Variants in RNF17 observed in about 807,000 individuals in gnomAD.
RNF17 encodes ring finger protein 17.
A neutral mutation model predicts 200.5 loss-of-function variants in RNF17; 31 were observed. The ratio of observed to expected loss-of-function variants is 0.15; its 90% confidence interval spans 0.12 to 0.21. The LOEUF (loss-of-function observed/expected upper bound fraction) is 0.21. RNF17 is among the 10% of genes least tolerant of loss of function. RNF17 has a pLI of 1.00. For synonymous variants in RNF17, 606 were observed against 637.8 expected (o/e 0.95, Z 0.75); for missense variants, 1,628 against 1,905.1 (o/e 0.85, Z 2.71).
In RNF17 at chr13:24,824,076, A is replaced by G. The variant is rs189888124; in HGVS notation, c.2092-1543A>G. On this transcript the variant is annotated intron_variant, in intron 15 of 35. Transcript: ENST00000255324. ...ACTGCTTAAGACCAAGACCATTGTC[A>G]TTCTGGGAAGAGGGTAGGGTGAGGC... The G allele has an allele frequency of 1.4e-5, 9 of 653,942 alleles. No homozygotes were observed. The East Asian group carries it at 2.2e-4, about 16-fold the overall frequency. The allele number at this position is 653,942 out of a possible 1,614,324, so 40.5% of individuals were successfully genotyped here. A position where few individuals can be genotyped will look rare whatever the true frequency, so the allele number is the denominator to read the frequency against.
intron 25 of RNF17, among the ~76,000 whole-genome samples, chr13:24,856,002 T>G (rs1892440310): frequency 6.6e-6 from 1 of 152,228 alleles, no homozygotes; most frequent in African/African-American, 2.4e-5. Context: ...TTTTATGTGT[T>G]CCAGGTATCT....
At chr13:24,772,925 C>T (rs1451175808) in intron 2 of RNF17, among the ~76,000 whole-genome samples, 2 of 152,094 alleles carry the variant, frequency 1.3e-5, no homozygotes, top group African/African-American at 2.4e-5. Flanking sequence ...ACAGACACTT[C>T]TTAAAAGACA....
intron 11 of RNF17, among the ~76,000 whole-genome samples, chr13:24,798,511 T>A (rs140974162): frequency 4.8e-4 from 73 of 152,298 alleles, no homozygotes; most frequent in African/African-American, 1.7e-3. Flanking sequence ...TCTCTGTATA[T>A]AATCAGTGAT....
intron 15 of RNF17, among the ~76,000 whole-genome samples, chr13:24,815,426 G>A (rs1887256958): frequency 7.9e-6 from 1 of 126,184 alleles, no homozygotes; most frequent in South Asian, 2.6e-4. Context: ...TAGCCCTAAC[G>A]GGGTGTGTGT....
intron 14 of RNF17, among the ~76,000 whole-genome samples, chr13:24,802,933 G>A (rs1165448410): frequency 6.6e-6 from 1 of 152,144 alleles, no homozygotes; most frequent in African/African-American, 2.4e-5. Context: ...GCATGCATCT[G>A]TAGTTCCAGC....
At chr13:24,884,408 C>A, downstream of RNF17, 3 of 1,614,038 alleles carry the variant, frequency 1.9e-6, no homozygotes, top group Non-Finnish European at 2.5e-6. Context: ...CACTTCCTTT[C>A]GAGTTCCATT....
the RNF17 span, among the ~76,000 whole-genome samples, chr13:24,756,379 A>G: frequency 6.6e-6 from 1 of 152,208 alleles, no homozygotes. Flanking sequence ...AAATATTAAA[A>G]TTTGACTACA....
chr13:24,793,242 A>G lies in RNF17; in HGVS notation c.1136A>G (p.Gln379Arg), dbSNP rs770437423. 1 of 1,614,138 alleles carries G rather than the reference A, an allele frequency of 6.2e-7. No homozygotes were observed. Among genetic ancestry groups the G allele is most frequent in the South Asian group, 1.1e-5 (1 of 91,082 alleles). The change falls in exon 10 of 36, where the codon CAG (glutamine) becomes CGG (arginine). Residue 379 changes from glutamine to arginine, a missense_variant. Physicochemically the swap from Gln to Arg is conservative, Grantham distance 43. This residue lies in a region of RNF17 where 502 missense variants were observed against 501.7 expected (regional missense o/e 1.00). Coordinates refer to ENST00000255324, the MANE Select transcript of RNF17 (RefSeq NM_031277.3). Reference protein sequence around the residue: ...VHLEAKNFQPQKDVATASPKT... With the variant: ...VHLEAKNFQPRKDVATASPKT... Reference sequence around the variant, plus strand: ...TTAGAAGCAAAAAACTTCCAGCCACAGAAAGACGTTGCAACAGCATCCCCT... The same window carrying G: ...TTAGAAGCAAAAAACTTCCAGCCACGGAAAGACGTTGCAACAGCATCCCCT...
intron 9 of RNF17, among the ~76,000 whole-genome samples, chr13:24,790,939 C>G (rs1226379602): frequency 1.3e-5 from 2 of 152,180 alleles, no homozygotes; most frequent in East Asian, 3.8e-4. Context: ...GGCCCCACCT[C>G]TTAATGTCAC....
At chr13:24,780,941 G>A (rs1241299112) in intron 5 of RNF17, among the ~76,000 whole-genome samples, 2 of 151,998 alleles carry the variant, frequency 1.3e-5, no homozygotes, top group Non-Finnish European at 2.9e-5. Flanking sequence ...TTAGGTATGG[G>A]TGAAGACTCG....
chr13:24,834,431 CAAG>C (rs747823830), intron 18 of RNF17, among the ~76,000 whole-genome samples: 43 of 151,326 alleles, frequency 2.8e-4, no homozygotes, highest in African/African-American at 5.1e-4. Flanking sequence ...ACAACAACAA[CAAG>C]AACAACAAAA....
Position 24,861,307 on chromosome 13 carries a change from C to G in RNF17, c.3814C>G (p.Gln1272Glu), listed in dbSNP as rs370058599. The change falls in exon 27 of 36, where the codon CAG (glutamine) becomes GAG (glutamate). Residue 1272 changes from glutamine to glutamate, a missense_variant. Around this residue, in one of 5 missense-constraint regions of RNF17, gnomAD observed 609 missense variants for 681.9 expected, o/e 0.89. Transcript: ENST00000255324. ...LDHGFTEKIP[Q>E]CHLYPILLYP... ...TCATGGATTCACTGAAAAGATTCCGCAGTGCCATCTTTACCCTATTTTGCT... is the reference window on the plus strand; with the variant it reads ...TCATGGATTCACTGAAAAGATTCCGGAGTGCCATCTTTACCCTATTTTGCT... The G allele has an allele frequency of 2.5e-6, 4 of 1,595,264 alleles. No individual in the cohort carries two copies. Among genetic ancestry groups the G allele is most frequent in the Non-Finnish European group, 3.4e-6 (4 of 1,169,436 alleles).
At chr13:24,756,729 C>T in the RNF17 span, among the ~76,000 whole-genome samples, 1 of 152,258 alleles carries the variant, frequency 6.6e-6, no homozygotes, top group South Asian at 2.1e-4. Flanking sequence ...GGTTCTGATG[C>T]AAATAATTTG....
chr13:24,868,457 G>A (rs1302393959), intron 30 of RNF17, 143 bp from the exon 31 acceptor site: 24 of 359,892 alleles, frequency 6.7e-5, no homozygotes, highest in Admixed American at 3.2e-4. Context: ...GCGACAGAGC[G>A]AGACTCCGTC....
At chr13:24,768,398 C>T (rs991747759) in intron 2 of RNF17, among the ~76,000 whole-genome samples, 1 of 151,472 alleles carries the variant, frequency 6.6e-6, no homozygotes, top group African/African-American at 2.4e-5. Context: ...GATTTTCCTG[C>T]CTCAGCCTCC....
At chr13:24,883,351 T>A (rs751675425), downstream of RNF17, 9 of 1,608,498 alleles carry the variant, frequency 5.6e-6, no homozygotes, top group African/African-American at 1.2e-4. Flanking sequence ...TATTAAACTC[T>A]ATGAGTTTGT....
chr13:24,846,972 T>C (rs1316494335), intron 22 of RNF17, among the ~76,000 whole-genome samples: 1 of 152,154 alleles, frequency 6.6e-6, no homozygotes, highest in East Asian at 1.9e-4. Context: ...AGCTAAAAGA[T>C]TCGAAAGACC....
intron 5 of RNF17, among the ~76,000 whole-genome samples, chr13:24,780,427 A>T (rs1725840634): frequency 6.6e-6 from 1 of 152,188 alleles, no homozygotes; most frequent in Non-Finnish European, 1.5e-5. Flanking sequence ...GGAGGTTAGG[A>T]CTTCAGTATC....
chr13:24,800,319 A>T, intron 12 of RNF17, 47 bp from the exon 13 acceptor site: 1 of 1,350,594 alleles, frequency 7.4e-7, no homozygotes, highest in Non-Finnish European at 1.0e-6. Flanking sequence ...AAACAAATTT[A>T]AGTTTGAAGC....
Sources: gnomAD v4.1 joint callset for allele counts (sites outside exome capture counted in the v4.1 genomes callset) on GRCh38, gnomAD v4.1.1 for gene constraint, gnomAD v4.1.1 regional missense constraint, MANE v1.5 for transcripts, NCBI Gene and HGNC (gene_info 2026-07-23, HGNC 2026-07-21) for gene names.